The following GADL1 variants were observed in gnomAD, a reference collection of about 807,000 sequenced individuals.
GADL1 encodes acidic amino acid decarboxylase GADL1.
Under a neutral mutation model 69.5 loss-of-function variants are expected in GADL1, and 71 were observed. That is an observed-to-expected ratio of 1.02 (90% CI 0.84 to 1.25). The LOEUF (loss-of-function observed/expected upper bound fraction) is 1.25. Among genes scored for constraint, GADL1 ranks in the 50% most tolerant of loss-of-function variants. GADL1 has a pLI of 0.00. For missense variants in GADL1, 737 were observed against 631.8 expected (o/e 1.17, Z -1.79); for synonymous variants, 254 against 214.4 (o/e 1.18, Z -1.62).
At chr3:30,760,155 G>A (rs1696093562) in intron 14 of GADL1, among the ~76,000 whole-genome samples, 1 of 151,818 alleles carries the variant, frequency 6.6e-6, no homozygotes, top group Middle Eastern at 3.4e-3. Flanking sequence ...GTACCAGAAA[G>A]AGAAGGCATA....
chr3:30,795,735 T>G (rs532082993), intron 12 of GADL1, among the ~76,000 whole-genome samples: 1 of 152,222 alleles, frequency 6.6e-6, no homozygotes, highest in African/African-American at 2.4e-5. Flanking sequence ...CCAAGTTTTA[T>G]AATTTCACAT....
chr3:30,891,296 G>A (rs1211681403), intron 1 of GADL1, among the ~76,000 whole-genome samples: 5 of 152,074 alleles, frequency 3.3e-5, no homozygotes, highest in African/African-American at 1.2e-4. Context: ...CCTGAGAGAG[G>A]GGCAGTGAGC....
chr3:30,770,980 T>C (rs1696407548), intron 14 of GADL1, among the ~76,000 whole-genome samples: 1 of 152,124 alleles, frequency 6.6e-6, no homozygotes, highest in African/African-American at 2.4e-5. Flanking sequence ...AGCAAAGTAA[T>C]AACAAATTTT....
intron 1 of GADL1, among the ~76,000 whole-genome samples, chr3:30,893,093 C>T (rs1369977485): frequency 4.6e-5 from 7 of 152,256 alleles, no homozygotes; most frequent in Non-Finnish European, 5.9e-5. Flanking sequence ...TGACCTCAAG[C>T]GATCTGCCCA....
intron 11 of GADL1, among the ~76,000 whole-genome samples, chr3:30,802,910 G>T (rs2125508029): frequency 6.6e-6 from 1 of 152,190 alleles, no homozygotes; most frequent in South Asian, 2.1e-4. Context: ...TACAAGCCTG[G>T]GCAACATAGT....
chr3:30,840,414 A>G (rs900204358), intron 8 of GADL1, among the ~76,000 whole-genome samples: 1 of 152,048 alleles, frequency 6.6e-6, no homozygotes, highest in Non-Finnish European at 1.5e-5. Context: ...AATCCCATCT[A>G]CCCAAAACTT....
intron 1 of GADL1, among the ~76,000 whole-genome samples, chr3:30,892,635 T>G (rs533400320): frequency 5.4e-4 from 82 of 151,964 alleles, no homozygotes; most frequent in African/African-American, 2.0e-3. Flanking sequence ...AGTAGATACC[T>G]TGGTTTTTTT....
At chr3:30,793,410 A>C (rs1285476056) in intron 12 of GADL1, among the ~76,000 whole-genome samples, 1 of 152,064 alleles carries the variant, frequency 6.6e-6, no homozygotes, top group Non-Finnish European at 1.5e-5. Flanking sequence ...TACATGGTGC[A>C]AGCCGGAAAA....
At chr3:30,834,345 G>T in intron 9 of GADL1, 64 bp from the exon 10 acceptor site, 6 of 1,372,664 alleles carry the variant, frequency 4.4e-6, no homozygotes, top group South Asian at 1.2e-5. Context: ...CCAGTGGGTT[G>T]TCATAGAAAA....
chr3:30,867,795 G>A (rs1005804699), intron 1 of GADL1, among the ~76,000 whole-genome samples: 1 of 151,952 alleles, frequency 6.6e-6, no homozygotes, highest in African/African-American at 2.4e-5. Flanking sequence ...GTAATTGGGG[G>A]CCTCAAAGTG....
At chr3:30,894,454 C>T (rs1698829984) in intron 1 of GADL1, 124 bp downstream of exon 1, 1 of 677,406 alleles carries the variant, frequency 1.5e-6, no homozygotes, top group South Asian at 2.4e-5. Flanking sequence ...TGGGGACTTT[C>T]TACCCACCCC....
chr3:30,843,776 T>C (rs1414575013), intron 8 of GADL1, among the ~76,000 whole-genome samples: 1 of 151,948 alleles, frequency 6.6e-6, no homozygotes, highest in African/African-American at 2.4e-5. Flanking sequence ...GGAGAATAGG[T>C]TGGTCAAGAA....
chr3:30,747,681 A>G (rs1394743811), intron 14 of GADL1, among the ~76,000 whole-genome samples: 1 of 152,224 alleles, frequency 6.6e-6, no homozygotes, highest in Non-Finnish European at 1.5e-5. Flanking sequence ...AGACATGGCC[A>G]TATCTAAGAG....
At chr3:30,767,566 G>A (rs304829) in intron 14 of GADL1, among the ~76,000 whole-genome samples, 46,489 of 152,092 alleles carry the variant, frequency 0.31, 8,443 homozygotes, top group Non-Finnish European at 0.4. Context: ...TACTTTGCAT[G>A]ATACACTAAA....
chr3:30,864,884 C>CT (rs1698375105), intron 1 of GADL1, among the ~76,000 whole-genome samples: 1 of 151,990 alleles, frequency 6.6e-6, no homozygotes, highest in Non-Finnish European at 1.5e-5. Flanking sequence ...AACTAACCAC[C>CT]TTTCTTCGCC....
chr3:30,752,053 C>T (rs1239954623), intron 14 of GADL1, among the ~76,000 whole-genome samples: 2 of 152,188 alleles, frequency 1.3e-5, no homozygotes, highest in African/African-American at 4.8e-5. Flanking sequence ...AAAGGCTACC[C>T]AGGCCCATGT....
intron 1 of GADL1, among the ~76,000 whole-genome samples, chr3:30,862,015 C>T (rs918428221): frequency 1.3e-5 from 2 of 151,862 alleles, no homozygotes; most frequent in Non-Finnish European, 2.9e-5. Context: ...TCACTCTGTA[C>T]TGGGCTGAGT....
chr3:30,877,134 A>G (rs966501405), intron 1 of GADL1, among the ~76,000 whole-genome samples: 6 of 151,948 alleles, frequency 3.9e-5, no homozygotes, highest in Admixed American at 3.3e-4. Flanking sequence ...TGGAAATATG[A>G]GGATCAGAGA....
At chr3:30,792,593 GC>G (rs1157851844) in intron 12 of GADL1, among the ~76,000 whole-genome samples, 1 of 152,028 alleles carries the variant, frequency 6.6e-6, no homozygotes, top group Non-Finnish European at 1.5e-5. Flanking sequence ...AACTATACTT[GC>G]CTTAATTCAT....
Sources: gnomAD v4.1 joint callset for allele counts (sites outside exome capture counted in the v4.1 genomes callset) on GRCh38, gnomAD v4.1.1 for gene constraint, MANE v1.5 for transcripts, NCBI Gene and HGNC (gene_info 2026-07-23, HGNC 2026-07-21) for gene names.